Variants in PIGK observed in about 807,000 individuals in gnomAD.
PIGK encodes the protein GPI-anchor transamidase.
In PIGK, 42 loss-of-function variants were observed where a neutral mutation model predicts 50.6. The observed-to-expected ratio is 0.83, with a 90% CI of 0.65 to 1.07. PIGK has a LOEUF of 1.07. Among genes scored for constraint, PIGK ranks in the 50% least tolerant of loss-of-function variants. The pLI, the probability that PIGK is intolerant of heterozygous loss-of-function variation, is 0.00. For synonymous variants in PIGK, 151 were observed against 156.0 expected (o/e 0.97, Z 0.24); for missense variants, 448 against 488.7 (o/e 0.92, Z 0.78).
At chr1:77,138,286 G>A (rs11162277) in intron 9 of PIGK, among the ~76,000 whole-genome samples, 26,752 of 152,146 alleles carry the variant, frequency 0.18, 2,553 homozygotes, top group East Asian at 0.36. Context: ...CCTAAAGTTA[G>A]ACAGATTGAA....
intron 10 of PIGK, among the ~76,000 whole-genome samples, chr1:77,097,157 T>C (rs2100508248): frequency 6.6e-6 from 1 of 152,212 alleles, no homozygotes; most frequent in South Asian, 2.1e-4. Context: ...TTTCTAACAA[T>C]GGCATAAGAA....
At chr1:77,185,487 T>C (rs1655718314) in intron 3 of PIGK, among the ~76,000 whole-genome samples, 1 of 152,100 alleles carries the variant, frequency 6.6e-6, no homozygotes, top group Non-Finnish European at 1.5e-5. Flanking sequence ...GTGGGGCCTG[T>C]CAAAATATTT....
Position 77,215,877 on chromosome 1 carries a change from G to A in PIGK, c.93+3433C>T, listed in dbSNP as rs570803993. Among the ~76,000 whole-genome samples the A allele has an allele frequency of 1.4e-3, 208 of 152,092 alleles. 1 individual carries two copies. The highest frequency in any genetic ancestry group is 4.8e-3 in the South Asian group (23 of 4,818). The stretch of plus-strand genomic sequence containing the variant: ...TTTAATTTCAATATCACCCAGATAC[G>A]GACATTTTTAAAAACTTGATCTCAT... On this transcript the variant is annotated intron_variant, in intron 1 of 10. Transcript: ENST00000370812.
intron 10 of PIGK, among the ~76,000 whole-genome samples, chr1:77,096,890 T>G (rs1030284063): frequency 4.1e-5 from 6 of 148,058 alleles, no homozygotes; most frequent in South Asian, 2.1e-4. Context: ...TCTTTTTTTT[T>G]TTTTTTTGTT....
intron 3 of PIGK, among the ~76,000 whole-genome samples, chr1:77,178,036 T>G (rs1655527270): frequency 6.6e-6 from 1 of 152,228 alleles, no homozygotes; most frequent in Non-Finnish European, 1.5e-5. Context: ...GAATGTTTTT[T>G]CCTTGTTTAT....
At position 77,089,081 on chromosome 1, in the gene PIGK, A is replaced by G. The variant is rs1236023458; in HGVS notation, c.*3293T>C. ...TCTAGGATCTACACAGTTAAACCTA[A>G]TATTTCACAGCACATTTCCAAAACA... On this transcript the variant is annotated 3_prime_UTR_variant, in exon 11 of 11. Coordinates refer to ENST00000370812, the MANE Select transcript of PIGK (RefSeq NM_005482.3). 1.3e-5 allele frequency: 2 copies of G among 152,246 alleles called. No homozygotes were observed. Among genetic ancestry groups the G allele is most frequent in the Non-Finnish European group, 2.9e-5 (2 of 68,054 alleles). The allele number at this position is 152,246 out of a possible 1,614,324, so 9.4% of individuals were successfully genotyped here. A position where few individuals can be genotyped will look rare whatever the true frequency, so the allele number is the denominator to read the frequency against.
intron 10 of PIGK, among the ~76,000 whole-genome samples, chr1:77,120,982 TCA>T (rs1296437024): frequency 3.3e-5 from 5 of 152,214 alleles, no homozygotes; most frequent in African/African-American, 1.2e-4. Flanking sequence ...GTTTATTGGT[TCA>T]TCCATGCTAT....
intron 1 of PIGK, among the ~76,000 whole-genome samples, chr1:77,214,840 C>T (rs755245227): frequency 5.9e-5 from 9 of 152,004 alleles, no homozygotes; most frequent in South Asian, 2.1e-4. Flanking sequence ...AAATCAATGG[C>T]GTTTCTATAT....
chr1:77,134,984 T>C (rs1654466499), intron 9 of PIGK, among the ~76,000 whole-genome samples: 1 of 152,132 alleles, frequency 6.6e-6, no homozygotes, highest in Non-Finnish European at 1.5e-5. Flanking sequence ...CGAAAAAAAA[T>C]GCTCCTCAAG....
At chr1:77,207,833 T>G (rs531207482) in intron 2 of PIGK, among the ~76,000 whole-genome samples, 8 of 150,540 alleles carry the variant, frequency 5.3e-5, no homozygotes, top group Non-Finnish European at 1.2e-4. Flanking sequence ...AACTACATGG[T>G]TTTTTTTTAA....
chr1:77,124,379 C>T (rs1376796974), intron 9 of PIGK, among the ~76,000 whole-genome samples: 3 of 152,076 alleles, frequency 2.0e-5, no homozygotes, highest in African/African-American at 4.8e-5. Flanking sequence ...GAGGCCGAGG[C>T]GGGTGCATCT....
At chr1:77,200,381 C>G (rs947211712) in intron 3 of PIGK, among the ~76,000 whole-genome samples, 1 of 151,970 alleles carries the variant, frequency 6.6e-6, no homozygotes, top group Admixed American at 6.6e-5. Flanking sequence ...ATCAGAGAAG[C>G]ATTTCTTATA....
At chr1:77,139,747 T>C (rs567658304) in intron 9 of PIGK, among the ~76,000 whole-genome samples, 6 of 152,348 alleles carry the variant, frequency 3.9e-5, no homozygotes, top group African/African-American at 1.2e-4. Context: ...AGCTAAGCAT[T>C]TAAAAAGATC....
At chr1:77,117,904 C>T (rs1462739720) in intron 10 of PIGK, among the ~76,000 whole-genome samples, 3 of 152,200 alleles carry the variant, frequency 2.0e-5, no homozygotes, top group Non-Finnish European at 2.9e-5. Flanking sequence ...CCAATTACCA[C>T]AGTGTCCTCA....
Position 77,161,730 on chromosome 1 carries a change from C to T in PIGK, c.585-19G>A, listed in dbSNP as rs1011640625. The T allele has an allele frequency of 2.1e-6, 2 of 950,658 alleles. No individual in the cohort carries two copies. The highest frequency in any genetic ancestry group is 1.7e-5 in the Admixed American group (1 of 57,980). The allele number at this position is 950,658 out of a possible 1,614,324, so 58.9% of individuals were successfully genotyped here. A position where few individuals can be genotyped will look rare whatever the true frequency, so the allele number is the denominator to read the frequency against. On this transcript the variant is annotated intron_variant, in intron 6 of 10. Transcript: ENST00000370812. ...ATTGTAGCTGAAAGAAAAATGATAACATCTTTGACAAGGATCATGCTGTAA... is the reference window on the plus strand; with the variant it reads ...ATTGTAGCTGAAAGAAAAATGATAATATCTTTGACAAGGATCATGCTGTAA...
At chr1:77,152,408 C>T (rs1654913531) in intron 9 of PIGK, among the ~76,000 whole-genome samples, 1 of 151,946 alleles carries the variant, frequency 6.6e-6, no homozygotes, top group Non-Finnish European at 1.5e-5. Flanking sequence ...TAAAAGGAAA[C>T]ACTGGGGAAA....
intron 10 of PIGK, among the ~76,000 whole-genome samples, chr1:77,120,985 TCC>T (rs1339745587): frequency 3.3e-5 from 5 of 152,214 alleles, no homozygotes; most frequent in African/African-American, 1.2e-4. Context: ...TATTGGTTCA[TCC>T]ATGCTATAAA....
intron 2 of PIGK, 59 bp from the exon 3 acceptor site, chr1:77,206,790 G>T: frequency 1.0e-6 from 1 of 1,004,250 alleles, no homozygotes; most frequent in African/African-American, 1.6e-5. Context: ...TGGAGCTGCA[G>T]AGTATTTTTC....
chr1:77,109,267 G>A (rs1362717300), intron 10 of PIGK, among the ~76,000 whole-genome samples: 1 of 152,210 alleles, frequency 6.6e-6, no homozygotes. Flanking sequence ...TATGAGGCCA[G>A]CATCATCCTG....
Sources: allele counts gnomAD v4.1 joint callset (sites outside exome capture counted in the v4.1 genomes callset), GRCh38; gene constraint gnomAD v4.1.1; transcripts MANE v1.5; gene names NCBI Gene and HGNC (gene_info 2026-07-23, HGNC 2026-07-21).